ANXA4: variants seen among roughly 807,000 people sequenced by gnomAD.
ANXA4 encodes annexin A4.
Under a neutral mutation model 49.8 loss-of-function variants are expected in ANXA4, and 39 were observed. That is an observed-to-expected ratio of 0.78 (90% CI 0.61 to 1.02). The LOEUF is 1.02. ANXA4 is among the 50% of genes least tolerant of loss of function. The pLI is 0.00. For synonymous variants in ANXA4, 134 were observed against 152.5 expected, an observed-to-expected ratio of 0.88 and a Z score of 0.89; for missense variants, 360 against 410.1, an observed-to-expected ratio of 0.88 and a Z score of 1.05.
chr2:69,665,179 T>C (rs1676888092), intron 2 of ANXA4, among the ~76,000 whole-genome samples: 1 of 152,196 alleles, frequency 6.6e-6, no homozygotes, highest in Non-Finnish European at 1.5e-5. Context: ...AGCTTCCATC[T>C]AGCTCTCTTG....
At chr2:69,649,092 G>A (rs1168377367) in intron 1 of ANXA4, among the ~76,000 whole-genome samples, 1 of 151,788 alleles carries the variant, frequency 6.6e-6, no homozygotes, top group African/African-American at 2.4e-5. Flanking sequence ...CTCCATGTTG[G>A]TCAGGCTGGT....
chr2:69,675,219 G>A (rs1267456245), intron 2 of ANXA4, among the ~76,000 whole-genome samples: 1 of 152,110 alleles, frequency 6.6e-6, no homozygotes. Context: ...ACCGCGCCCG[G>A]CCCAAACTGT....
rs1178500072 is a variant in ANXA4 at position 69,650,778 on chromosome 2, A to G, written n.482-2220A>G. Among the ~76,000 whole-genome samples, 4 of 152,354 alleles carry G rather than the reference A, an allele frequency of 2.6e-5. No homozygotes were observed. The East Asian group carries it at 7.7e-4, about 29-fold the overall frequency. On this transcript the variant is annotated intron_variant and non_coding_transcript_variant, in intron 1 of 3. Coordinates refer to the ANXA4 transcript ENST00000418066. ...AGAGCTTTTGATCTTAAAAGAAGGC[A>G]TTAAATCCTAAGTATTTCCATACCC...
chr2:69,730,200 C>A (rs945587894), intron 3 of ANXA4, among the ~76,000 whole-genome samples: 2 of 151,850 alleles, frequency 1.3e-5, no homozygotes, highest in African/African-American at 4.8e-5. Context: ...AAAAAAAATT[C>A]TGTTTTTTAA....
At chr2:69,706,865 G>A (rs914263086) in intron 2 of ANXA4, among the ~76,000 whole-genome samples, 1 of 152,078 alleles carries the variant, frequency 6.6e-6, no homozygotes, top group Admixed American at 6.5e-5. Context: ...TGTATGGATA[G>A]ACCACATAGA....
intron 2 of ANXA4, among the ~76,000 whole-genome samples, chr2:69,656,998 ATTT>A (rs140897969): frequency 1.5e-5 from 2 of 135,692 alleles, no homozygotes; most frequent in Non-Finnish European, 1.6e-5. Context: ...CACTATATTC[ATTT>A]TTTTTTTTTT....
chr2:69,724,412 T>G (rs1364406944), intron 3 of ANXA4, among the ~76,000 whole-genome samples: 1 of 152,226 alleles, frequency 6.6e-6, no homozygotes, highest in African/African-American at 2.4e-5. Flanking sequence ...CCCTGGGGCT[T>G]CATCCCCCCA....
chr2:69,818,566 T>C, intron 9 of ANXA4, 33 bp from the exon 10 acceptor site: 1 of 1,442,044 alleles, frequency 6.9e-7, no homozygotes, highest in Non-Finnish European at 9.5e-7. Context: ...CTGTTTTTTC[T>C]TCCCAATAAT....
intron 10 of ANXA4, among the ~76,000 whole-genome samples, 174 bp from the exon 11 acceptor site, chr2:69,819,102 TTCTA>T (rs1194703321): frequency 6.6e-6 from 1 of 152,218 alleles, no homozygotes; most frequent in African/African-American, 2.4e-5. Flanking sequence ...TGAGGGTACT[TTCTA>T]TCTGTGAAAA....
chr2:69,699,504 G>C (rs541334527), intron 2 of ANXA4, among the ~76,000 whole-genome samples: 1 of 152,126 alleles, frequency 6.6e-6, no homozygotes, highest in African/African-American at 2.4e-5. Flanking sequence ...TAAGCCAGGC[G>C]TGGTGGTGTG....
intron 3 of ANXA4, among the ~76,000 whole-genome samples, chr2:69,729,361 C>G (rs1036340653): frequency 6.6e-6 from 1 of 152,190 alleles, no homozygotes; most frequent in African/African-American, 2.4e-5. Context: ...TATACAACTT[C>G]CATTGATTTA....
rs867683842 is a variant in ANXA4, at chr2:69,687,785, C to T, written n.767-32989C>T. Among the ~76,000 whole-genome samples, 4 of 152,252 alleles carry T rather than the reference C, an allele frequency of 2.6e-5. No homozygotes were observed. The South Asian group carries it at 6.2e-4, about 24-fold the overall frequency. On this transcript the variant is annotated intron_variant and non_coding_transcript_variant, in intron 2 of 3. Transcript: ENST00000418066. ...CTGGGATTACAGGCGTGGGCTGCCGCGCCCAGCTTACAACTATCAATTTTA... is the reference window on the plus strand; with the variant it reads ...CTGGGATTACAGGCGTGGGCTGCCGTGCCCAGCTTACAACTATCAATTTTA...
chr2:69,654,184 G>A (rs559779812), intron 2 of ANXA4, among the ~76,000 whole-genome samples: 214 of 152,328 alleles, frequency 1.4e-3, no homozygotes, highest in South Asian at 5.0e-3. Flanking sequence ...GAGATTTTGG[G>A]CTGAGACAAT....
intron 12 of ANXA4, 113 bp from the exon 13 acceptor site, chr2:69,825,343 A>T: frequency 1.2e-6 from 1 of 808,278 alleles, no homozygotes; most frequent in Non-Finnish European, 2.0e-6. Flanking sequence ...TAACAAAAAA[A>T]ATTTAAAGCT....
chr2:69,804,477 G>A, intron 3 of ANXA4, 56 bp from the exon 4 acceptor site: 1 of 1,510,718 alleles, frequency 6.6e-7, no homozygotes, highest in Non-Finnish European at 9.2e-7. Flanking sequence ...AGAGGAACCT[G>A]CTTTCTCATT....
intron 2 of ANXA4, among the ~76,000 whole-genome samples, chr2:69,699,559 C>T (rs1678265342): frequency 2.0e-5 from 3 of 152,090 alleles, no homozygotes; most frequent in Admixed American, 1.3e-4. Context: ...GGGAGGATTC[C>T]TTGAGCCCAG....
At chr2:69,645,013 A>G (rs1675949766) in intron 1 of ANXA4, 1 of 151,778 alleles carries the variant, frequency 6.6e-6, no homozygotes, top group Admixed American at 6.6e-5. Context: ...TATTAATATT[A>G]TTTTTCTAAC....
intron 2 of ANXA4, among the ~76,000 whole-genome samples, chr2:69,671,530 A>C (rs1300989570): frequency 6.6e-6 from 1 of 152,228 alleles, no homozygotes; most frequent in Non-Finnish European, 1.5e-5. Context: ...TACCCTGGCC[A>C]ACATGGTGAA....
At chr2:69,766,792 T>C (rs1260033191) in intron 1 of ANXA4, among the ~76,000 whole-genome samples, 1 of 152,164 alleles carries the variant, frequency 6.6e-6, no homozygotes, top group African/African-American at 2.4e-5. Context: ...CCAAGCACAC[T>C]GCCCAGAAGG....
Sources: gnomAD v4.1 joint callset for allele counts (sites outside exome capture counted in the v4.1 genomes callset) on GRCh38, gnomAD v4.1.1 for gene constraint, MANE v1.5 for transcripts, NCBI Gene and HGNC (gene_info 2026-07-23, HGNC 2026-07-21) for gene names.